The following CTNNA3 variants were observed in gnomAD, a reference collection of about 807,000 sequenced individuals.
CTNNA3 encodes catenin alpha-3.
In CTNNA3, 76 loss-of-function variants were observed where a neutral mutation model predicts 95.7. The ratio of observed to expected loss-of-function variants is 0.79; its 90% confidence interval spans 0.66 to 0.96. CTNNA3 has a LOEUF of 0.96. Among genes scored for constraint, CTNNA3 ranks in the 40% least tolerant of loss-of-function variants. The probability of loss-of-function intolerance (pLI) is 0.00; values close to 1 mark genes in which losing one functional copy is unlikely to be tolerated. For synonymous variants in CTNNA3, 431 were observed against 374.4 expected (o/e 1.15, Z -1.74); for missense variants, 1,191 against 1,089.8 (o/e 1.09, Z -1.31).
At chr10:66,632,424 G>A (rs905381183) in intron 9 of CTNNA3, among the ~76,000 whole-genome samples, 5 of 151,730 alleles carry the variant, frequency 3.3e-5, no homozygotes, top group East Asian at 1.9e-4. Context: ...GCTTGGTGGC[G>A]CATGCCTGTA....
At chr10:66,536,933 A>T (rs1169290983) in intron 10 of CTNNA3, among the ~76,000 whole-genome samples, 3 of 152,160 alleles carry the variant, frequency 2.0e-5, no homozygotes, top group Non-Finnish European at 4.4e-5. Context: ...TAAAATGTTT[A>T]AAGTGACATT....
At chr10:66,114,445 T>C (rs2082241671) in intron 13 of CTNNA3, among the ~76,000 whole-genome samples, 1 of 148,308 alleles carries the variant, frequency 6.7e-6, no homozygotes, top group African/African-American at 2.5e-5. Flanking sequence ...TATATGTGTA[T>C]ATATGTATAT....
chr10:66,760,768 C>T (rs969418650), intron 9 of CTNNA3, among the ~76,000 whole-genome samples: 1 of 152,030 alleles, frequency 6.6e-6, no homozygotes. Context: ...CATGTTCAGC[C>T]ACATCTTTTT....
At chr10:67,261,979 A>C (rs571340674) in intron 5 of CTNNA3, among the ~76,000 whole-genome samples, 66 of 152,176 alleles carry the variant, frequency 4.3e-4, no homozygotes, top group Non-Finnish European at 9.0e-4. Flanking sequence ...TGTGTTGAGA[A>C]CTGTTCTATG....
chr10:66,920,149 G>A (rs532095221), intron 7 of CTNNA3, among the ~76,000 whole-genome samples: 5 of 152,256 alleles, frequency 3.3e-5, no homozygotes, highest in African/African-American at 1.2e-4. Context: ...AGAATCAAGG[G>A]AAAATTAATT....
At chr10:66,259,729 G>A (rs12772889) in intron 13 of CTNNA3, among the ~76,000 whole-genome samples, 58,253 of 151,924 alleles carry the variant, frequency 0.38, 11,289 homozygotes, top group African/African-American at 0.43. Flanking sequence ...GCAATCTCCA[G>A]TGCCTCACTA....
chr10:66,829,854 TTTGTTGTTGTTG>T (rs59424993), intron 7 of CTNNA3, among the ~76,000 whole-genome samples: 4,202 of 148,348 alleles, frequency 0.028, 86 homozygotes, highest in Middle Eastern at 0.048. Flanking sequence ...CCCCAGGGGA[TTTGTTGTTGTTG>T]TTGTTGTTGT....
At chr10:66,421,967 C>A (rs2132635276) in intron 11 of CTNNA3, among the ~76,000 whole-genome samples, 1 of 142,370 alleles carries the variant, frequency 7.0e-6, no homozygotes, top group Non-Finnish European at 1.5e-5. Flanking sequence ...TGAAATGAAT[C>A]CTGCTGATAT....
At chr10:67,091,713 G>A (rs1857652146) in intron 7 of CTNNA3, among the ~76,000 whole-genome samples, 1 of 152,014 alleles carries the variant, frequency 6.6e-6, no homozygotes, top group Non-Finnish European at 1.5e-5. Flanking sequence ...GTGTGTGCCT[G>A]TCATTGATGT....
At chr10:67,361,524 T>C (rs180789212) in intron 5 of CTNNA3, among the ~76,000 whole-genome samples, 3 of 152,264 alleles carry the variant, frequency 2.0e-5, no homozygotes, top group African/African-American at 7.2e-5. Context: ...TGGAAGACTT[T>C]TGGGTAAACA....
chr10:66,448,299 T>C (rs544998197), intron 11 of CTNNA3, among the ~76,000 whole-genome samples: 12 of 152,080 alleles, frequency 7.9e-5, no homozygotes, highest in South Asian at 2.1e-4. Context: ...ACTAGAAATA[T>C]CATTTGACCC....
intron 13 of CTNNA3, among the ~76,000 whole-genome samples, chr10:66,105,819 T>C (rs2081877345): frequency 6.6e-6 from 1 of 152,200 alleles, no homozygotes; most frequent in African/African-American, 2.4e-5. Context: ...TGGATGGTAT[T>C]GTGAAAATAA....
At chr10:67,545,731 T>G (rs934925489) in intron 3 of CTNNA3, among the ~76,000 whole-genome samples, 1 of 152,190 alleles carries the variant, frequency 6.6e-6, no homozygotes, top group Non-Finnish European at 1.5e-5. Flanking sequence ...CAATATAGTT[T>G]GGTTGTGGTT....
intron 13 of CTNNA3, among the ~76,000 whole-genome samples, chr10:66,210,242 A>G (rs920095345): frequency 6.6e-6 from 1 of 151,634 alleles, no homozygotes; most frequent in African/African-American, 2.4e-5. Flanking sequence ...GCCAAGAAGC[A>G]GGACCTCAAC....
At chr10:66,457,775 T>C (rs985886881) in intron 11 of CTNNA3, among the ~76,000 whole-genome samples, 9 of 152,206 alleles carry the variant, frequency 5.9e-5, no homozygotes, top group East Asian at 1.9e-4. Flanking sequence ...TGATGATGTA[T>C]CATCAGTAGT....
intron 13 of CTNNA3, among the ~76,000 whole-genome samples, chr10:66,235,358 A>T (rs1405116301): frequency 6.6e-6 from 1 of 151,326 alleles, no homozygotes; most frequent in Non-Finnish European, 1.5e-5. Flanking sequence ...CTATAAATTT[A>T]TTATTAAATG....
chr10:66,775,834 T>C (rs1014213786), intron 7 of CTNNA3, among the ~76,000 whole-genome samples: 2 of 152,208 alleles, frequency 1.3e-5, no homozygotes, highest in Admixed American at 1.3e-4. Flanking sequence ...AAATCTTAAA[T>C]CACTAAGCAG....
intron 16 of CTNNA3, among the ~76,000 whole-genome samples, chr10:65,969,066 C>A (rs796699940): frequency 6.6e-6 from 1 of 152,120 alleles, no homozygotes; most frequent in Non-Finnish European, 1.5e-5. Flanking sequence ...ATACACCCAT[C>A]GGTATTGGTC....
At chr10:66,434,733 G>A (rs912003588) in intron 11 of CTNNA3, among the ~76,000 whole-genome samples, 1 of 152,170 alleles carries the variant, frequency 6.6e-6, no homozygotes, top group Non-Finnish European at 1.5e-5. Flanking sequence ...GGTTTTCAAA[G>A]GGAATGCTTC....
Sources: gnomAD v4.1 joint callset for allele counts (sites outside exome capture counted in the v4.1 genomes callset) on GRCh38, gnomAD v4.1.1 for gene constraint, MANE v1.5 for transcripts, NCBI Gene and HGNC (gene_info 2026-07-23, HGNC 2026-07-21) for gene names.